Variants in PADI3 observed in about 807,000 individuals in gnomAD.
PADI3 encodes the protein protein-arginine deiminase type-3.
A neutral mutation model predicts 71.5 loss-of-function variants in PADI3; 53 were observed. That is an observed-to-expected ratio of 0.74 (90% CI 0.59 to 0.93). PADI3 has a LOEUF of 0.93. Ranked by LOEUF, PADI3 falls within the 40% of genes least tolerant of loss-of-function variation. The pLI is 0.00. For missense variants in PADI3, 821 were observed against 868.0 expected (o/e 0.95, Z 0.68); for synonymous variants, 361 against 347.5 (o/e 1.04, Z -0.43).
intron 6 of PADI3, 65 bp downstream of exon 6, chr1:17,268,027 C>G: frequency 6.3e-7 from 1 of 1,585,244 alleles, no homozygotes; most frequent in South Asian, 1.1e-5. Flanking sequence ...CAGGGAACCT[C>G]CTGTTCCTGC....
chr1:17,249,151 G>A lies in PADI3; in HGVS notation c.14G>A (p.Arg5Lys). 1 of 1,614,158 alleles carries A rather than the reference G, an allele frequency of 6.2e-7. No individual in the cohort carries two copies. The highest frequency in any genetic ancestry group is 8.5e-7 in the Non-Finnish European group (1 of 1,180,010). The change falls in exon 1 of 16, where the codon AGA becomes AAA. Residue 5 changes from arginine to lysine, a missense_variant. Arg to Lys is a conservative substitution (Grantham distance 26). Transcript: ENST00000375460. The part of the protein sequence containing the change: MSLQ[R>K]IVRVSLEHPT... Reference sequence around the variant, plus strand: ...TCCAACACCAGCATGTCGCTGCAGAGAATCGTGCGTGTGTCCCTGGAGCAT... The same window carrying A: ...TCCAACACCAGCATGTCGCTGCAGAAAATCGTGCGTGTGTCCCTGGAGCAT...
intron 1 of PADI3, among the ~76,000 whole-genome samples, chr1:17,257,035 A>G (rs1250148272): frequency 1.4e-5 from 2 of 144,268 alleles, no homozygotes; most frequent in Admixed American, 6.8e-5. Context: ...CTGTCTCAAA[A>G]AAAAAAAAAA....
Position 17,265,640 on chromosome 1 carries a change from C to A in PADI3, c.347-19C>A. 6.2e-7 allele frequency: 1 copy of A among 1,613,092 alleles called. No individual in the cohort carries two copies. Among genetic ancestry groups the A allele is most frequent in the Non-Finnish European group, 8.5e-7 (1 of 1,179,078 alleles). ...TCCTGGGAACCTTGTAGTGACTTAC[C>A]CTCTGCCTCCTCTTGCAGACATCTC... On this transcript the variant is annotated intron_variant, in intron 3 of 15. Coordinates refer to ENST00000375460, the MANE Select transcript of PADI3 (RefSeq NM_016233.2).
At chr1:17,254,101 G>A (rs981518688) in intron 1 of PADI3, among the ~76,000 whole-genome samples, 1 of 152,150 alleles carries the variant, frequency 6.6e-6, no homozygotes, top group African/African-American at 2.4e-5. Context: ...GGTATACGGG[G>A]CTGCCACTTT....
At chr1:17,266,180 ATAATGTGCT>A (rs2073166060) in intron 4 of PADI3, among the ~76,000 whole-genome samples, 2 of 152,254 alleles carry the variant, frequency 1.3e-5, no homozygotes, top group South Asian at 4.1e-4. Flanking sequence ...CCCACAGTTC[ATAATGTGCT>A]GATCCTGACC....
At position 17,283,295 on chromosome 1, in the gene PADI3, A is replaced by C. The variant is rs911795022; in HGVS notation, c.*216A>C. On this transcript the variant is annotated 3_prime_UTR_variant, in exon 16 of 16. Transcript: ENST00000375460. ...CAGACTTGAATCTTCTCGGCCCCCC[A>C]AAAAGAAGGACCTCATTTCTTATAG... 4.6e-5 allele frequency: 25 copies of C among 547,190 alleles called. 1 individual carries two copies. The highest frequency in any genetic ancestry group is 4.2e-4 in the African/African-American group (22 of 52,956). The allele number at this position is 547,190 out of a possible 1,614,324, so 33.9% of individuals were successfully genotyped here.
chr1:17,258,395 A>G (rs924785196), intron 1 of PADI3, among the ~76,000 whole-genome samples: 1 of 152,266 alleles, frequency 6.6e-6, no homozygotes, highest in Non-Finnish European at 1.5e-5. Flanking sequence ...CTGAGTGCAC[A>G]GTGGGCACCC....
intron 9 of PADI3, 74 bp from the exon 10 acceptor site, chr1:17,273,266 G>T: frequency 8.4e-7 from 1 of 1,185,260 alleles, no homozygotes; most frequent in Non-Finnish European, 1.2e-6. Flanking sequence ...TGCCCCACAG[G>T]GCTCAGAGCC....
chr1:17,266,770 T>G lies in PADI3; in HGVS notation c.460T>G (p.Cys154Gly). 1 of 1,614,144 alleles carries G rather than the reference T, an allele frequency of 6.2e-7. No homozygotes were observed. Among genetic ancestry groups the G allele is most frequent in the Non-Finnish European group, 8.5e-7 (1 of 1,180,008 alleles). Residue 154 changes from cysteine to glycine, a missense_variant, in exon 5 of 16, where the codon TGT (cysteine) becomes GGT (glycine). Coordinates refer to ENST00000375460, the MANE Select transcript of PADI3 (RefSeq NM_016233.2). ...GTATGGCGGCATCTTGCTGGTGAAC[T>G]GTGACCGTGATGATCCGAGCTGTGA... ...SGYGGILLVN[C>G]DRDDPSCDVQ...
intron 6 of PADI3, 97 bp from the exon 7 acceptor site, chr1:17,270,136 A>G: frequency 7.0e-7 from 1 of 1,427,808 alleles, no homozygotes; most frequent in Non-Finnish European, 9.4e-7. Flanking sequence ...GAGGACTTGG[A>G]ATTTTTGGTG....
At chr1:17,251,291 T>A (rs770945613) in intron 1 of PADI3, among the ~76,000 whole-genome samples, 23 of 152,230 alleles carry the variant, frequency 1.5e-4, no homozygotes, top group Non-Finnish European at 2.2e-4. Flanking sequence ...CTGAGGTCCC[T>A]CCCGGCTTGG....
chr1:17,268,498 CTTTTTTTTTTTTTTTT>C, intron 6 of PADI3, among the ~76,000 whole-genome samples: 1 of 89,416 alleles, frequency 1.1e-5, no homozygotes, highest in African/African-American at 4.7e-5. Context: ...TAATAAGATG[CTTTTTTTTTTTTTTTT>C]TTTTTTTTTT....
rs770725264 is a variant in PADI3, at chr1:17,266,118, CTG to C, written c.408+403_408+404del. 9.8e-5 allele frequency among the ~76,000 whole-genome samples: 15 copies of C among 152,356 alleles called. No individual in the cohort carries two copies. In the East Asian group the frequency reaches 2.5e-3, roughly 25 times the overall value. ...TTAATACAGAAATGGATGGATGTGA[CTG>C]TGTGCTAATAAAACTTTATTTATAC... On this transcript the variant is annotated intron_variant, in intron 4 of 15. Transcript: ENST00000375460.
chr1:17,276,679 A>T lies in PADI3; in HGVS notation c.1452+16A>T, dbSNP rs770028318. 1.2e-6 allele frequency: 2 copies of T among 1,613,834 alleles called. No homozygotes were observed. Among genetic ancestry groups the T allele is most frequent in the Admixed American group, 3.3e-5 (2 of 59,900 alleles). On this transcript the variant is annotated intron_variant, in intron 12 of 15. Transcript: ENST00000375460. The stretch of plus-strand genomic sequence containing the variant: ...CGATGGGAAGGTAAGAACTTCGTGC[A>T]TGACGTGTCTTTCCCTGGCATCTGG...
intron 11 of PADI3, 36 bp downstream of exon 11, chr1:17,274,822 G>A: frequency 6.2e-7 from 1 of 1,603,188 alleles, no homozygotes; most frequent in South Asian, 1.1e-5. Flanking sequence ...TCCTGGGGTG[G>A]AGGCTGAGGG....
In PADI3 at chr1:17,283,417, C is replaced by G; in HGVS notation, c.*338C>G. 1 of 263,624 alleles carries G rather than the reference C, an allele frequency of 3.8e-6. No individual in the cohort carries two copies. The highest frequency in any genetic ancestry group is 5.3e-5 in the South Asian group (1 of 18,918). 16.3% of individuals were successfully genotyped at this position (263,624 alleles called of 1,614,324 possible). On this transcript the variant is annotated 3_prime_UTR_variant, in exon 16 of 16. Transcript: ENST00000375460. ...ATCCACATTGGGGTCTAGAAACATCCACGTATCTCATCAGCCATCTTGTCC... is the reference window on the plus strand; with the variant it reads ...ATCCACATTGGGGTCTAGAAACATCGACGTATCTCATCAGCCATCTTGTCC...
intron 13 of PADI3, among the ~76,000 whole-genome samples, chr1:17,278,790 C>T (rs1270687307): frequency 1.3e-5 from 2 of 152,044 alleles, no homozygotes; most frequent in Non-Finnish European, 2.9e-5. Context: ...AGATAGCATC[C>T]TAGACCAAAC....
intron 13 of PADI3, among the ~76,000 whole-genome samples, chr1:17,277,380 G>A (rs1569918685): frequency 1.3e-5 from 2 of 152,272 alleles, no homozygotes; most frequent in Admixed American, 1.3e-4. Context: ...TTTTAGTAGA[G>A]ACGGGGGTTT....
At chr1:17,269,200 C>A (rs1485384901) in intron 6 of PADI3, among the ~76,000 whole-genome samples, 1 of 152,202 alleles carries the variant, frequency 6.6e-6, no homozygotes, top group Non-Finnish European at 1.5e-5. Context: ...CTGATTGTCA[C>A]TGTTAACGAG....
Sources: gnomAD v4.1 joint callset for allele counts (sites outside exome capture counted in the v4.1 genomes callset) on GRCh38, gnomAD v4.1.1 for gene constraint, MANE v1.5 for transcripts, NCBI Gene and HGNC (gene_info 2026-07-23, HGNC 2026-07-21) for gene names.